Variants in JCAD observed in about 807,000 individuals in gnomAD.
JCAD encodes the protein junctional cadherin 5-associated protein.
In JCAD, 40 loss-of-function variants were observed where a neutral mutation model predicts 98.0. The ratio of observed to expected loss-of-function variants is 0.41; its 90% CI spans 0.32 to 0.53. JCAD has a LOEUF of 0.53. Among genes scored for constraint, JCAD ranks in the 20% least tolerant of loss-of-function variants. The probability of loss-of-function intolerance (pLI) is 0.31; values close to 1 mark genes in which losing one functional copy is unlikely to be tolerated. For synonymous variants in JCAD, 691 were observed against 682.3 expected (o/e 1.01, Z -0.20); for missense variants, 1,705 against 1,738.1 (o/e 0.98, Z 0.34).
intron 1 of JCAD, among the ~76,000 whole-genome samples, chr10:30,078,142 T>C (rs1319037967): frequency 6.6e-6 from 1 of 152,242 alleles, no homozygotes; most frequent in Non-Finnish European, 1.5e-5. Context: ...TAGTTTTTAT[T>C]TGCATTCCAT....
chr10:30,061,265 G>A (rs1045039854), upstream of JCAD, among the ~76,000 whole-genome samples: 6 of 152,126 alleles, frequency 3.9e-5, no homozygotes, highest in African/African-American at 1.2e-4. Flanking sequence ...AATGGTGGCC[G>A]GGCATGGTGA....
intron 1 of JCAD, among the ~76,000 whole-genome samples, chr10:30,100,354 GT>G (rs1838449039): frequency 1.3e-5 from 2 of 152,026 alleles, no homozygotes; most frequent in South Asian, 4.2e-4. Context: ...TATTCTTTTT[GT>G]TGTTCTTGTT....
intron 3 of JCAD, among the ~76,000 whole-genome samples, chr10:30,018,782 C>T (rs1836592238): frequency 6.6e-6 from 1 of 151,970 alleles, no homozygotes; most frequent in African/African-American, 2.4e-5. Context: ...AGCTCAAAGG[C>T]TTCTTATTTT....
In JCAD at chr10:30,114,149, T is replaced by C. The variant is rs115297901; in HGVS notation, n.128+1218A>G. ...TTAGTTCCCCGTGCACAATGGGCTC[T>C]CCTGAATGGTAGCTCTATGGCCACT... On this transcript the variant is annotated intron_variant and non_coding_transcript_variant, in intron 1 of 2. Coordinates refer to the JCAD transcript ENST00000465712. Among the ~76,000 whole-genome samples the C allele has an allele frequency of 3.2e-3, 489 of 152,344 alleles. 3 individuals are homozygous for C. Among genetic ancestry groups the C allele is most frequent in the African/African-American group, 0.011 (470 of 41,572 alleles).
intron 2 of JCAD, among the ~76,000 whole-genome samples, chr10:30,066,756 G>C (rs1253026974): frequency 2.0e-5 from 3 of 152,168 alleles, no homozygotes; most frequent in Non-Finnish European, 2.9e-5. Flanking sequence ...AATAGGCTGG[G>C]CTCCGTGGCT....
intron 2 of JCAD, among the ~76,000 whole-genome samples, chr10:30,042,646 G>A (rs2132637449): frequency 6.6e-6 from 1 of 152,324 alleles, no homozygotes; most frequent in Non-Finnish European, 1.5e-5. Context: ...ATGGGGGACA[G>A]AGATGAATGA....
chr10:30,075,219 G>A (rs1053133374), intron 1 of JCAD, among the ~76,000 whole-genome samples: 5 of 152,212 alleles, frequency 3.3e-5, no homozygotes, highest in Admixed American at 2.6e-4. Context: ...AATGAAACAG[G>A]TTGGAGTTGT....
At chr10:30,103,125 T>A (rs1304959641) in intron 1 of JCAD, among the ~76,000 whole-genome samples, 1 of 152,194 alleles carries the variant, frequency 6.6e-6, no homozygotes, top group Non-Finnish European at 1.5e-5. Flanking sequence ...TTGTTGCATA[T>A]GGCAAGATTT....
At chr10:30,087,277 A>C (rs567807797) in intron 1 of JCAD, among the ~76,000 whole-genome samples, 94 of 152,094 alleles carry the variant, frequency 6.2e-4, no homozygotes, top group Non-Finnish European at 1.2e-3. Context: ...CTGTCTCTAC[A>C]AAAATACAAA....
chr10:30,059,140 G>T lies in JCAD; in HGVS notation c.-60+342C>A, dbSNP rs1305083171. Among the ~76,000 whole-genome samples, 1 of 151,810 alleles carries T rather than the reference G, an allele frequency of 6.6e-6. No homozygotes were observed. Among genetic ancestry groups the T allele is most frequent in the Non-Finnish European group, 1.5e-5 (1 of 67,880 alleles). ...CCCCGGCCCCCCAGGCCCTCCGCGC[G>T]CCGAGGGGCGACGCGAGCGCTAACG... On this transcript the variant is annotated intron_variant, in intron 1 of 3. Transcript: ENST00000375377. This position sits in a 1 kb window ranked among gnomAD's most constrained non-coding sequence, Gnocchi z 5.0.
chr10:30,047,480 A>C (rs1589692556), intron 2 of JCAD, 52 bp downstream of exon 2: 1 of 1,564,412 alleles, frequency 6.4e-7, no homozygotes, highest in Non-Finnish European at 8.6e-7. Context: ...CACATCACCC[A>C]CCGCCAAACT....
At chr10:30,068,885 C>G (rs1837832845) in intron 2 of JCAD, among the ~76,000 whole-genome samples, 1 of 152,236 alleles carries the variant, frequency 6.6e-6, no homozygotes, top group African/African-American at 2.4e-5. Context: ...CTCTCCTTGC[C>G]TTTCCTGTGA....
At position 30,027,536 on chromosome 10, in the gene JCAD, C is replaced by A. The variant is rs778651668; in HGVS notation, c.2612G>T (p.Arg871Leu). ...CACATCCTCCTGTCTGCAGTGAGCA[C>A]GGTTCTCCTGCTGCGGCTCCGCCTC... is the stretch of plus-strand genomic sequence containing the variant. ...ESEAEPQQENRAHCRQEDVGF... is the reference protein window; with the variant it reads ...ESEAEPQQENLAHCRQEDVGF... Residue 871 changes from arginine (R) to leucine (L), a missense_variant, in exon 3 of 4, where the codon CGT (arginine) becomes CTT (leucine). By Grantham distance (102) the Arg-to-Leu change is moderately radical. Coordinates refer to ENST00000375377, the MANE Select transcript of JCAD (RefSeq NM_020848.4). 1.2e-6 allele frequency: 2 copies of A among 1,613,048 alleles called. No homozygotes were observed. Among genetic ancestry groups the A allele is most frequent in the East Asian group, 2.2e-5 (1 of 44,900 alleles).
At chr10:30,077,793 A>G (rs1213935112) in intron 1 of JCAD, among the ~76,000 whole-genome samples, 1 of 152,246 alleles carries the variant, frequency 6.6e-6, no homozygotes, top group Non-Finnish European at 1.5e-5. Flanking sequence ...TGGTACATAT[A>G]TGACATTTAT....
Position 30,025,823 on chromosome 10 carries a change from C to T in JCAD, c.4045+280G>A, listed in dbSNP as rs767846485. 9.6e-4 allele frequency among the ~76,000 whole-genome samples: 146 copies of T among 152,098 alleles called. 2 individuals carry two copies. Among genetic ancestry groups the T allele is most frequent in the Non-Finnish European group, 6.5e-4 (44 of 67,976 alleles). On this transcript the variant is annotated intron_variant, in intron 3 of 3. Transcript: ENST00000375377. ...AGGATCACTTGAGCCCAGGAAGCAG[C>T]GGAGGTTGCAGTGAGCAGAGATTGC...
chr10:30,104,215 T>A (rs957428921), intron 1 of JCAD, among the ~76,000 whole-genome samples: 19 of 152,190 alleles, frequency 1.2e-4, no homozygotes, highest in Admixed American at 1.1e-3. Context: ...TGAAGCAATT[T>A]CACAAGGGGC....
chr10:30,055,890 CTTCT>C (rs1837562406), intron 1 of JCAD, among the ~76,000 whole-genome samples: 1 of 152,102 alleles, frequency 6.6e-6, no homozygotes, highest in East Asian at 1.9e-4. Flanking sequence ...AGTATTATCC[CTTCT>C]GACTCCTCTT....
At position 30,026,596 on chromosome 10, in the gene JCAD, G is replaced by A; in HGVS notation, c.3552C>T (p.Ser1184=). Residue 1184 remains serine (S), a synonymous_variant, in exon 3 of 4, where the codon AGC becomes AGT. Transcript: ENST00000375377. ...EHSDVDGVVT[S]TDPVPEPEPS... ...GCTCAGGCTCAGGGACAGGGTCTGT[G>A]CTGGTGACAACCCCGTCCACATCTG... 6.2e-7 allele frequency: 1 copy of A among 1,613,976 alleles called. No individual in the cohort carries two copies. The highest frequency in any genetic ancestry group is 8.5e-7 in the Non-Finnish European group (1 of 1,180,036).
At chr10:30,030,431 C>T (rs1836967999) in intron 2 of JCAD, among the ~76,000 whole-genome samples, 1 of 152,022 alleles carries the variant, frequency 6.6e-6, no homozygotes, top group African/African-American at 2.4e-5. Flanking sequence ...GCGGTGAGAC[C>T]CTGCCTCATA....
Sources: gnomAD v4.1 joint callset for allele counts (sites outside exome capture counted in the v4.1 genomes callset) on GRCh38, gnomAD v4.1.1 for gene constraint, Gnocchi (gnomAD v3.1) non-coding constraint, MANE v1.5 for transcripts, NCBI Gene and HGNC (gene_info 2026-07-23, HGNC 2026-07-21) for gene names.